DAZAP2: variants seen among roughly 807,000 people sequenced by gnomAD.
DAZAP2 encodes the protein DAZ associated protein 2, also known as DAZ-associated protein 2.
In DAZAP2, 3 loss-of-function variants were observed where a neutral mutation model predicts 16.2. That is an observed-to-expected ratio of 0.19 (90% CI 0.08 to 0.48). The LOEUF is 0.48. Ranked by LOEUF, DAZAP2 falls within the 20% of genes least tolerant of loss-of-function variation. The pLI is 0.98. For synonymous variants in DAZAP2, 69 were observed against 77.6 expected, an observed-to-expected ratio of 0.89 and a Z score of 0.58; for missense variants, 172 against 215.9, an observed-to-expected ratio of 0.80 and a Z score of 1.27.
In DAZAP2 at chr12:51,241,022, G is replaced by C. The variant is rs777283287; in HGVS notation, c.284G>C (p.Gly95Ala). Residue 95 changes from glycine to alanine, a missense_variant, in exon 3 of 4, where the codon GGT becomes GCT. Coordinates refer to ENST00000412716, the MANE Select transcript of DAZAP2 (RefSeq NM_014764.4). ...STIPMAYYPV[G>A]PIYPPGSTVL... ...ATCCCCATGGCTTATTATCCAGTCG[G>C]TCCCATCTATCCACCTGGCTCCACA... 6.2e-7 allele frequency: 1 copy of C among 1,614,068 alleles called. No individual in the cohort carries two copies. Among genetic ancestry groups the C allele is most frequent in the Non-Finnish European group, 8.5e-7 (1 of 1,180,052 alleles).
At position 51,242,560 on chromosome 12, in the gene DAZAP2, C is replaced by T; in HGVS notation, c.*102C>T. 1 of 1,612,290 alleles carries T rather than the reference C, an allele frequency of 6.2e-7. No homozygotes were observed. Among genetic ancestry groups the T allele is most frequent in the Non-Finnish European group, 8.5e-7 (1 of 1,179,544 alleles). On this transcript the variant is annotated 3_prime_UTR_variant, in exon 4 of 4. Coordinates refer to ENST00000412716, the MANE Select transcript of DAZAP2 (RefSeq NM_014764.4). ...TATTAACCTGAAGTTGCAGTTTAGA[C>T]ACATGTTGTTGGGGTGTCTTTCTGG...
downstream of DAZAP2, chr12:51,246,638 G>GTA: frequency 1.6e-6 from 1 of 629,520 alleles, no homozygotes. Flanking sequence ...GTGTGTGTGT[G>GTA]TAATATAACT....
chr12:51,242,184 T>G, intron 3 of DAZAP2, 146 bp from the exon 4 acceptor site: 1 of 1,159,442 alleles, frequency 8.6e-7, no homozygotes, highest in Non-Finnish European at 1.2e-6. Context: ...AGACCTACTT[T>G]AGAACTCAAA....
In DAZAP2 at chr12:51,238,873, C is replaced by G. The variant is rs1424618925; in HGVS notation, c.-35C>G. The G allele has an allele frequency of 6.2e-7, 1 of 1,612,896 alleles. No homozygotes were observed. The highest frequency in any genetic ancestry group is 1.3e-5 in the African/African-American group (1 of 74,910). On this transcript the variant is annotated 5_prime_UTR_variant, in exon 1 of 4. Coordinates refer to ENST00000412716, the MANE Select transcript of DAZAP2 (RefSeq NM_014764.4). ...GGAAGAGGACGAAAAAAATAACCGT[C>G]CGCGACGCCGAGACAAACCGGACCC...
At chr12:51,246,185 T>C (rs1416859822), downstream of DAZAP2, 2 of 1,573,770 alleles carry the variant, frequency 1.3e-6, no homozygotes, top group Non-Finnish European at 1.7e-6. Context: ...GTTCCTGGAG[T>C]CATCTGATTT....
chr12:51,239,168 G>C (rs556724277), intron 1 of DAZAP2: 11 of 533,162 alleles, frequency 2.1e-5, no homozygotes, highest in Non-Finnish European at 2.9e-5. Flanking sequence ...GGTGGTGGGG[G>C]GGCTTGACAT....
rs150498248 is a variant in DAZAP2 at position 51,243,929 on chromosome 12, C to G, written c.*1471C>G. ...TTTGAAATAAAGGCAGGAGTACAAG[C>G]CTAAGACTTGATCATTTCATGAATT... is the stretch of plus-strand genomic sequence containing the variant. On this transcript the variant is annotated 3_prime_UTR_variant, in exon 4 of 4. Coordinates refer to ENST00000412716, the MANE Select transcript of DAZAP2 (RefSeq NM_014764.4). The G allele has an allele frequency of 1.2e-3, 1,202 of 984,280 alleles. 8 individuals carry two copies. The African/African-American group carries it at 0.02, about 16-fold the overall frequency. The allele number at this position is 984,280 out of a possible 1,614,324, so 61.0% of individuals were successfully genotyped here.
intron 2 of DAZAP2, 129 bp from the exon 3 acceptor site, chr12:51,240,742 G>A: frequency 2.2e-6 from 3 of 1,339,932 alleles, no homozygotes; most frequent in Non-Finnish European, 2.0e-6. Flanking sequence ...AAGGCCAGTG[G>A]AAAGGCAACT....
In DAZAP2 at chr12:51,242,493, C is replaced by T; in HGVS notation, c.*35C>T. 1 of 1,613,760 alleles carries T rather than the reference C, an allele frequency of 6.2e-7. No homozygotes were observed. Among genetic ancestry groups the T allele is most frequent in the Non-Finnish European group, 8.5e-7 (1 of 1,180,038 alleles). ...GCCACCTCTGTGCCGGGAAAGACAT[C>T]ACATACCTTCAGCACTTCTCACAAT... On this transcript the variant is annotated 3_prime_UTR_variant, in exon 4 of 4. Coordinates refer to ENST00000412716, the MANE Select transcript of DAZAP2 (RefSeq NM_014764.4).
intron 3 of DAZAP2, 58 bp from the exon 4 acceptor site, chr12:51,242,272 G>A (rs1565653795): frequency 1.3e-6 from 2 of 1,523,326 alleles, no homozygotes; most frequent in Admixed American, 2.2e-5. Flanking sequence ...CTTCCCCTAT[G>A]TCCCCTTCGC....
At position 51,242,703 on chromosome 12, in the gene DAZAP2, G is replaced by T; in HGVS notation, c.*245G>T. ...CATTCATAAAATGAATGTGGGTGAA[G>T]CCGCCCTAAGGATTTTCCTTTAATT... On this transcript the variant is annotated 3_prime_UTR_variant, in exon 4 of 4. Transcript: ENST00000412716. 1 of 1,489,290 alleles carries T rather than the reference G, an allele frequency of 6.7e-7. No individual in the cohort carries two copies. The highest frequency in any genetic ancestry group is 1.4e-5 in the South Asian group (1 of 72,794). The allele number at this position is 1,489,290 out of a possible 1,614,324, so 92.3% of individuals were successfully genotyped here. A position where few individuals can be genotyped will look rare whatever the true frequency, so the allele number is the denominator to read the frequency against.
At chr12:51,246,400 G>A (rs1944770205), downstream of DAZAP2, 2 of 475,696 alleles carry the variant, frequency 4.2e-6, no homozygotes, top group Non-Finnish European at 7.4e-6. Context: ...AAACGGGAAG[G>A]AGGGAACAGG....
At chr12:51,239,193 G>A (rs1262986962) in intron 1 of DAZAP2, 1 of 483,022 alleles carries the variant, frequency 2.1e-6, no homozygotes, top group Admixed American at 3.9e-5. Flanking sequence ...GGCATCCGCA[G>A]GAGCAAATAG....
chr12:51,244,058 T>C, downstream of DAZAP2: 1 of 379,042 alleles, frequency 2.6e-6, no homozygotes, highest in Non-Finnish European at 3.6e-6. Flanking sequence ...TTCTCCTAAC[T>C]TGCTCTAAAG....
Position 51,243,555 on chromosome 12 carries a change from T to C in DAZAP2, c.*1097T>C. ...ATTTCAGGGATCCTTAATGTTTTGA[T>C]TTTTGTTTTCTGAAATTGGATTTTA... On this transcript the variant is annotated 3_prime_UTR_variant, in exon 4 of 4. Transcript: ENST00000412716. 1 of 985,764 alleles carries C rather than the reference T, an allele frequency of 1.0e-6. No homozygotes were observed. Among genetic ancestry groups the C allele is most frequent in the Non-Finnish European group, 1.2e-6 (1 of 829,890 alleles). The allele number at this position is 985,764 out of a possible 1,614,324, so 61.1% of individuals were successfully genotyped here. A position where few individuals can be genotyped will look rare whatever the true frequency, so the allele number is the denominator to read the frequency against.
Position 51,243,264 on chromosome 12 carries a change from C to G in DAZAP2, c.*806C>G, listed in dbSNP as rs560246340. On this transcript the variant is annotated 3_prime_UTR_variant, in exon 4 of 4. Transcript: ENST00000412716. The stretch of plus-strand genomic sequence containing the variant: ...CTGAGCTATGTTTGAACAAAGATGT[C>G]GTGCAAACTGTACTGTGAACAACAG... 7.0e-5 allele frequency: 69 copies of G among 985,716 alleles called. No individual in the cohort carries two copies. The highest frequency in any genetic ancestry group is 8.2e-5 in the Non-Finnish European group (68 of 830,000). The allele number at this position is 985,716 out of a possible 1,614,324, so 61.1% of individuals were successfully genotyped here.
rs970512665 is a variant in DAZAP2, at chr12:51,243,043, C to G, written c.*585C>G. On this transcript the variant is annotated 3_prime_UTR_variant, in exon 4 of 4. Coordinates refer to ENST00000412716, the MANE Select transcript of DAZAP2 (RefSeq NM_014764.4). ...AGACTAATTTCCTTCTTTCCTCGCA[C>G]TTCTCCCCACTCGTCATCTTTTAAC... 3 of 994,624 alleles carry G rather than the reference C, an allele frequency of 3.0e-6. No individual in the cohort carries two copies. Among genetic ancestry groups the G allele is most frequent in the African/African-American group, 3.5e-5 (2 of 57,394 alleles). 61.6% of individuals were successfully genotyped at this position (994,624 alleles called of 1,614,324 possible).
At chr12:51,245,413 A>G (rs574895531), downstream of DAZAP2, 2 of 152,940 alleles carry the variant, frequency 1.3e-5, no homozygotes, top group Admixed American at 6.5e-5. Context: ...GTTGTTGGGG[A>G]ACACGGAAAG....
At chr12:51,242,234 C>G in intron 3 of DAZAP2, 96 bp from the exon 4 acceptor site, 2 of 1,485,632 alleles carry the variant, frequency 1.3e-6, no homozygotes, top group South Asian at 1.4e-5. Flanking sequence ...AGCTGGTTAG[C>G]ACATTGCCTC....
Sources: gnomAD v4.1 joint callset for allele counts on GRCh38, gnomAD v4.1.1 for gene constraint, MANE v1.5 for transcripts, NCBI Gene and HGNC (gene_info 2026-07-23, HGNC 2026-07-21) for gene names.